The following MICAL2 variants were observed in gnomAD, a reference collection of about 807,000 sequenced individuals.
MICAL2 encodes [F-actin]-monooxygenase MICAL2.
Under a neutral mutation model 127.3 loss-of-function variants are expected in MICAL2, and 77 were observed. That is an observed-to-expected ratio of 0.60 (90% confidence interval 0.50 to 0.73). MICAL2 has a LOEUF of 0.73. MICAL2 is among the 30% of genes least tolerant of loss of function. MICAL2 has a pLI of 0.00. For missense variants in MICAL2, 1,351 were observed against 1,434.4 expected, an observed-to-expected ratio of 0.94 and a Z score of 0.94; for synonymous variants, 570 against 551.1, an observed-to-expected ratio of 1.03 and a Z score of -0.48.
chr11:12,182,541 C>A (rs1857606352), intron 3 of MICAL2, among the ~76,000 whole-genome samples: 1 of 152,230 alleles, frequency 6.6e-6, no homozygotes, highest in Non-Finnish European at 1.5e-5. Context: ...GTAAATTCCT[C>A]TTTCCCTTCC....
At chr11:12,203,400 A>G (rs1250989928) in intron 3 of MICAL2, among the ~76,000 whole-genome samples, 5 of 152,088 alleles carry the variant, frequency 3.3e-5, no homozygotes, top group East Asian at 3.8e-4. Context: ...GAGGGTTTCA[A>G]TTTTTCCATA....
At chr11:12,139,221 C>T (rs1852114599) in intron 2 of MICAL2, among the ~76,000 whole-genome samples, 1 of 152,210 alleles carries the variant, frequency 6.6e-6, no homozygotes, top group African/African-American at 2.4e-5. Flanking sequence ...CTCCCTCCTC[C>T]TCTGCCCTGC....
intron 3 of MICAL2, among the ~76,000 whole-genome samples, chr11:12,171,031 C>T (rs559682168): frequency 5.3e-5 from 8 of 152,274 alleles, no homozygotes; most frequent in Admixed American, 3.9e-4. Flanking sequence ...AAGACAAAAC[C>T]AGACAATCCT....
intron 3 of MICAL2, among the ~76,000 whole-genome samples, chr11:12,172,488 G>C (rs1856390125): frequency 6.6e-6 from 1 of 152,088 alleles, no homozygotes; most frequent in South Asian, 2.1e-4. Flanking sequence ...AAGCAATTAG[G>C]TCTCTTCCTA....
At chr11:12,289,632 G>A (rs1863872275), downstream of MICAL2, among the ~76,000 whole-genome samples, 2 of 143,038 alleles carry the variant, frequency 1.4e-5, no homozygotes, top group South Asian at 2.2e-4. Flanking sequence ...GCAGTGGCGT[G>A]ATCTCAGCTC....
intron 3 of MICAL2, among the ~76,000 whole-genome samples, chr11:12,194,053 A>C (rs1859552195): frequency 6.6e-6 from 1 of 152,250 alleles, no homozygotes; most frequent in African/African-American, 2.4e-5. Flanking sequence ...AAGACACTTA[A>C]TAGACACCTT....
At chr11:12,216,138 A>G (rs2134223565) in intron 7 of MICAL2, 81 bp from the exon 8 acceptor site, 1 of 1,036,380 alleles carries the variant, frequency 9.6e-7, no homozygotes, top group East Asian at 2.4e-5. Flanking sequence ...AACAAGACCA[A>G]TAGTGAGGCA....
At chr11:12,189,766 C>T (rs1328890801) in intron 3 of MICAL2, among the ~76,000 whole-genome samples, 2 of 152,190 alleles carry the variant, frequency 1.3e-5, no homozygotes, top group Non-Finnish European at 2.9e-5. Flanking sequence ...CAAGCCCAGG[C>T]CTGCCACCAG....
At chr11:12,226,399 G>A (rs755090997) in intron 14 of MICAL2, 29 bp downstream of exon 14, 2 of 1,605,404 alleles carry the variant, frequency 1.2e-6, no homozygotes, top group Non-Finnish European at 1.7e-6. Context: ...GTTTTGCTTA[G>A]CCCCTTGAGC....
intron 3 of MICAL2, among the ~76,000 whole-genome samples, chr11:12,166,929 G>C (rs1321856687): frequency 6.6e-6 from 1 of 152,124 alleles, no homozygotes; most frequent in African/African-American, 2.4e-5. Flanking sequence ...GTGTTGCTCT[G>C]TAATGGGAAA....
chr11:12,200,315 C>T (rs1040055500), intron 3 of MICAL2, among the ~76,000 whole-genome samples: 1 of 152,204 alleles, frequency 6.6e-6, no homozygotes, highest in African/African-American at 2.4e-5. Context: ...GACATAAGGC[C>T]TAGCTGGGTC....
At chr11:12,337,104 G>A (rs933274264) in intron 32 of MICAL2, among the ~76,000 whole-genome samples, 1 of 152,176 alleles carries the variant, frequency 6.6e-6, no homozygotes, top group Non-Finnish European at 1.5e-5. Context: ...TGGTTGGTAA[G>A]CTATTAATTA....
At chr11:12,287,802 G>A (rs1863845461), downstream of MICAL2, among the ~76,000 whole-genome samples, 1 of 152,144 alleles carries the variant, frequency 6.6e-6, no homozygotes, top group Non-Finnish European at 1.5e-5. Flanking sequence ...GGGGATCCAG[G>A]GACTGCAGCA....
In MICAL2 at chr11:12,135,319, C is replaced by T. The variant is rs11022192; in HGVS notation, c.-148-3071C>T. ...ACCTGCATAACTCATTTAATCTTCA[C>T]AGTCAACCCATTTTACATACCAGGA... On this transcript the variant is annotated intron_variant, in intron 1 of 27. Transcript: ENST00000683283. Among the ~76,000 whole-genome samples, 1,053 of 152,272 alleles carry T rather than the reference C, an allele frequency of 6.9e-3. 5 individuals are homozygous for T. The highest frequency in any genetic ancestry group is 9.1e-3 in the Non-Finnish European group (622 of 68,020).
intron 33 of MICAL2, among the ~76,000 whole-genome samples, chr11:12,351,300 G>A (rs1939040980): frequency 6.6e-6 from 1 of 152,174 alleles, no homozygotes; most frequent in South Asian, 2.1e-4. Context: ...GGGCAAGGCT[G>A]TTATCCTAGA....
downstream of MICAL2, chr11:12,292,257 G>A (rs1304604138): frequency 1.9e-6 from 3 of 1,613,888 alleles, no homozygotes; most frequent in African/African-American, 1.3e-5. Flanking sequence ...TCTTCAACCA[G>A]TGTTTCTGGG....
At chr11:12,150,530 G>A (rs961487070) in intron 2 of MICAL2, among the ~76,000 whole-genome samples, 1 of 152,168 alleles carries the variant, frequency 6.6e-6, no homozygotes, top group Non-Finnish European at 1.5e-5. Context: ...TCTGGGTGGG[G>A]CGGCTCTGCA....
chr11:12,215,942 T>TA (rs1223492932), intron 7 of MICAL2, among the ~76,000 whole-genome samples: 4 of 152,190 alleles, frequency 2.6e-5, no homozygotes, highest in Admixed American at 2.6e-4. Flanking sequence ...TCTGCACAAT[T>TA]ACCCGGCTCT....
chr11:12,236,553 C>T (rs561416445), intron 16 of MICAL2, among the ~76,000 whole-genome samples: 1 of 152,334 alleles, frequency 6.6e-6, no homozygotes, highest in Non-Finnish European at 1.5e-5. Flanking sequence ...TGGTATCTGA[C>T]ACATGTTAAT....
Sources: gnomAD v4.1 joint callset for allele counts (sites outside exome capture counted in the v4.1 genomes callset) on GRCh38, gnomAD v4.1.1 for gene constraint, MANE v1.5 for transcripts, NCBI Gene and HGNC (gene_info 2026-07-23, HGNC 2026-07-21) for gene names.